Variants in NETO2 observed in about 807,000 individuals in gnomAD.
NETO2 encodes the protein neuropilin and tolloid-like protein 2.
In NETO2, 28 loss-of-function variants were observed where a neutral mutation model predicts 62.5. The ratio of observed to expected loss-of-function variants is 0.45; its 90% CI spans 0.33 to 0.61. The LOEUF (loss-of-function observed/expected upper bound fraction) is 0.61. Among genes scored for constraint, NETO2 ranks in the 20% least tolerant of loss-of-function variants. The pLI, the probability that NETO2 is intolerant of heterozygous loss-of-function variation, is 0.02. For missense variants in NETO2, 548 were observed against 643.2 expected (o/e 0.85, Z 1.60); for synonymous variants, 214 against 219.1 (o/e 0.98, Z 0.21).
rs1202516444 is a variant in NETO2 at position 47,082,219 on chromosome 16, C to T, written c.*1002G>A. On this transcript the variant is annotated 3_prime_UTR_variant, in exon 9 of 9. Coordinates refer to ENST00000562435, the MANE Select transcript of NETO2 (RefSeq NM_018092.5). The stretch of plus-strand genomic sequence containing the variant: ...TCCCAGTTAAGAAGCAATCTCAAGG[C>T]TCATCCAATTTCTAAGGAATTTTAA... 1 of 152,624 alleles carries T rather than the reference C, an allele frequency of 6.6e-6. No homozygotes were observed. Among genetic ancestry groups the T allele is most frequent in the East Asian group, 1.9e-4 (1 of 5,202 alleles). The allele number at this position is 152,624 out of a possible 1,614,324, so 9.5% of individuals were successfully genotyped here. A position where few individuals can be genotyped will look rare whatever the true frequency, so the allele number is the denominator to read the frequency against.
intron 1 of NETO2, among the ~76,000 whole-genome samples, chr16:47,141,475 AAAAC>A (rs1239781139): frequency 6.6e-6 from 1 of 151,998 alleles, no homozygotes; most frequent in Non-Finnish European, 1.5e-5. Context: ...AAAAAAAACA[AAAAC>A]AAAATCAAGT....
At chr16:47,119,867 T>A (rs1288482659) in intron 6 of NETO2, among the ~76,000 whole-genome samples, 1 of 152,250 alleles carries the variant, frequency 6.6e-6, no homozygotes, top group African/African-American at 2.4e-5. Flanking sequence ...CATGATGCTC[T>A]GCATATATGT....
chr16:47,136,537 C>T (rs1404148068), intron 1 of NETO2, among the ~76,000 whole-genome samples: 1 of 152,126 alleles, frequency 6.6e-6, no homozygotes, highest in Non-Finnish European at 1.5e-5. Flanking sequence ...TCCTGAGTAG[C>T]TGGGACTACA....
rs748441798 is a variant in NETO2 at position 47,083,316 on chromosome 16, C to T, written c.1483G>A (p.Ala495Thr). Residue 495 changes from alanine (A) to threonine (T), a missense_variant, in exon 9 of 9, where the codon GCC becomes ACC. By Grantham distance (58) the Ala-to-Thr change is moderately conservative. Transcript: ENST00000562435. ...TCCTCCATTACTCGGTCTTCCAGGG[C>T]CTGCTCAGGGCACTCATGTCCCTGT... ...FKQGHECPEQ[A>T]LEDRVMEEIP... The T allele has an allele frequency of 6.2e-7, 1 of 1,614,210 alleles. No homozygotes were observed. Among genetic ancestry groups the T allele is most frequent in the South Asian group, 1.1e-5 (1 of 91,084 alleles).
At position 47,080,497 on chromosome 16, in the gene NETO2, C is replaced by G. The variant is rs1963045025; in HGVS notation, c.*2724G>C. 6.6e-6 allele frequency: 1 copy of G among 152,160 alleles called. No individual in the cohort carries two copies. The highest frequency in any genetic ancestry group is 1.5e-5 in the Non-Finnish European group (1 of 68,040). The allele number at this position is 152,160 out of a possible 1,614,324, so 9.4% of individuals were successfully genotyped here. A position where few individuals can be genotyped will look rare whatever the true frequency, so the allele number is the denominator to read the frequency against. ...CAATTTATAAAGTTTTCTCACTGAT[C>G]TCAAAGATTAAAGGCTGTATATACA... On this transcript the variant is annotated 3_prime_UTR_variant, in exon 9 of 9. Coordinates refer to ENST00000562435, the MANE Select transcript of NETO2 (RefSeq NM_018092.5).
chr16:47,143,715 C>A lies in NETO2; in HGVS notation c.-103G>T, dbSNP rs1291724605. 8.4e-7 allele frequency: 1 copy of A among 1,196,808 alleles called. No individual in the cohort carries two copies. Among genetic ancestry groups the A allele is most frequent in the Non-Finnish European group, 1.0e-6 (1 of 961,918 alleles). The allele number at this position is 1,196,808 out of a possible 1,614,324, so 74.1% of individuals were successfully genotyped here. On this transcript the variant is annotated 5_prime_UTR_variant, in exon 1 of 9. Coordinates refer to ENST00000562435, the MANE Select transcript of NETO2 (RefSeq NM_018092.5). ...GGCGACGGCCCCACTCCGTCCCCAT[C>A]GCCGGCCAGCAGCTGCCTCCCCGCT...
Position 47,078,148 on chromosome 16 carries a change from TAATAA to T in NETO2, c.*5068_*5072del, listed in dbSNP as rs1963010192. On this transcript the variant is annotated 3_prime_UTR_variant, in exon 9 of 9. Transcript: ENST00000562435. ...TGAAAACATAAAATGGTTCTAAGTGTAATAAAATAAAGTTGCCCTTATCATAACTA... is the reference window on the plus strand; with the variant it reads ...TGAAAACATAAAATGGTTCTAAGTGTAATAAAGTTGCCCTTATCATAACTA... 2 of 152,362 alleles carry T rather than the reference TAATAA, an allele frequency of 1.3e-5. No individual in the cohort carries two copies. Among genetic ancestry groups the T allele is most frequent in the South Asian group, 2.1e-4 (1 of 4,826 alleles). 9.4% of individuals were successfully genotyped at this position (152,362 alleles called of 1,614,324 possible). A position where few individuals can be genotyped will look rare whatever the true frequency, so the allele number is the denominator to read the frequency against.
In NETO2 at chr16:47,143,573, C is replaced by T; in HGVS notation, c.34+6G>A. On this transcript the variant is annotated splice_donor_region_variant and intron_variant, in intron 1 of 8. Transcript: ENST00000562435. ...CGCCGTCCGTGGCCCCAGCCCCGGT[C>T]CTTACCTTTGAGGACCGAGCAGAGC... The T allele has an allele frequency of 8.2e-7, 1 of 1,223,868 alleles. No homozygotes were observed. The allele number at this position is 1,223,868 out of a possible 1,614,324, so 75.8% of individuals were successfully genotyped here. A position where few individuals can be genotyped will look rare whatever the true frequency, so the allele number is the denominator to read the frequency against.
intron 1 of NETO2, 106 bp downstream of exon 1, chr16:47,143,473 G>GC (rs1268023288): frequency 1.0e-4 from 118 of 1,169,746 alleles, no homozygotes; most frequent in Non-Finnish European, 1.1e-4. Context: ...ACAAAGAGGC[G>GC]CGTCGGGTCC....
rs1963068972 is a variant in NETO2, at chr16:47,081,930, T to C, written c.*1291A>G. On this transcript the variant is annotated 3_prime_UTR_variant, in exon 9 of 9. Coordinates refer to ENST00000562435, the MANE Select transcript of NETO2 (RefSeq NM_018092.5). Reference sequence around the variant, plus strand: ...CTTATGTCCACATTTCCAAGGTCTTTACAATAAGTTATAGCGTCCAGGTCC... The same window carrying C: ...CTTATGTCCACATTTCCAAGGTCTTCACAATAAGTTATAGCGTCCAGGTCC... The C allele has an allele frequency of 2.0e-5, 3 of 152,622 alleles. No individual in the cohort carries two copies. Among genetic ancestry groups the C allele is most frequent in the South Asian group, 4.1e-4 (2 of 4,824 alleles). 9.5% of individuals were successfully genotyped at this position (152,622 alleles called of 1,614,324 possible). A position where few individuals can be genotyped will look rare whatever the true frequency, so the allele number is the denominator to read the frequency against.
At chr16:47,131,468 T>C (rs1964265399) in intron 2 of NETO2, among the ~76,000 whole-genome samples, 1 of 152,174 alleles carries the variant, frequency 6.6e-6, no homozygotes, top group Non-Finnish European at 1.5e-5. Flanking sequence ...ATTTTTATCA[T>C]GTGTATGTAT....
rs768761904 is a variant in NETO2 at position 47,083,224 on chromosome 16, G to A, written c.1575C>T (p.Phe525=). The A allele has an allele frequency of 6.9e-6, 11 of 1,605,378 alleles. No homozygotes were observed. The highest frequency in any genetic ancestry group is 8.5e-7 in the Non-Finnish European group (1 of 1,174,942). ...TCACATCACCATTAGCAGAAGATTA[G>A]AAGTCAATGGATATGGATGCTTGTG... ...DSAQASISID[F] is the part of the protein sequence containing the mutation. The change falls in exon 9 of 9, where the codon TTC becomes TTT. Residue 525 remains phenylalanine, a synonymous_variant. Transcript: ENST00000562435.
intron 7 of NETO2, among the ~76,000 whole-genome samples, chr16:47,099,763 C>T (rs1963503820): frequency 6.6e-6 from 1 of 152,108 alleles, no homozygotes; most frequent in South Asian, 2.1e-4. Context: ...GCTAACTATC[C>T]TAAATATATA....
intron 8 of NETO2, among the ~76,000 whole-genome samples, chr16:47,084,990 T>C (rs559687546): frequency 1.3e-5 from 2 of 152,266 alleles, no homozygotes; most frequent in African/African-American, 2.4e-5. Context: ...GTGAAAAAAT[T>C]GTCTTCCACG....
chr16:47,130,755 T>G (rs2151491219), intron 2 of NETO2, among the ~76,000 whole-genome samples: 1 of 152,224 alleles, frequency 6.6e-6, no homozygotes, highest in Admixed American at 6.5e-5. Context: ...AAATAAAGTT[T>G]TACTGGAATA....
intron 7 of NETO2, among the ~76,000 whole-genome samples, chr16:47,095,228 C>G (rs757653494): frequency 1.3e-5 from 2 of 151,582 alleles, no homozygotes; most frequent in Non-Finnish European, 2.9e-5. Context: ...AAAGGAAATG[C>G]GAAGGGAATC....
intron 6 of NETO2, among the ~76,000 whole-genome samples, chr16:47,117,344 C>T (rs553274190): frequency 3.6e-4 from 55 of 152,282 alleles, no homozygotes; most frequent in African/African-American, 1.3e-3. Context: ...GCAGGTATTG[C>T]TTTTTGTTTT....
intron 7 of NETO2, among the ~76,000 whole-genome samples, chr16:47,106,971 G>T (rs1246623076): frequency 6.6e-6 from 1 of 151,956 alleles, no homozygotes; most frequent in Non-Finnish European, 1.5e-5. Flanking sequence ...TAGTAGAGAT[G>T]GGGTTTTGCC....
intron 1 of NETO2, among the ~76,000 whole-genome samples, chr16:47,133,464 A>T (rs1964307542): frequency 6.6e-6 from 1 of 151,892 alleles, no homozygotes; most frequent in African/African-American, 2.4e-5. Context: ...AGGCTGAGGC[A>T]GGAGGATCAC....
Sources: gnomAD v4.1 joint callset for allele counts (sites outside exome capture counted in the v4.1 genomes callset) on GRCh38, gnomAD v4.1.1 for gene constraint, MANE v1.5 for transcripts, NCBI Gene and HGNC (gene_info 2026-07-23, HGNC 2026-07-21) for gene names.